The following ZNF385D variants were observed in gnomAD, a reference collection of about 807,000 sequenced individuals.
ZNF385D encodes zinc finger protein 659.
In ZNF385D, 15 loss-of-function variants were observed where a neutral mutation model predicts 35.8. The ratio of observed to expected loss-of-function variants is 0.42; its 90% CI spans 0.28 to 0.64. ZNF385D has a LOEUF of 0.64. ZNF385D is among the 30% of genes least tolerant of loss of function. The pLI is 0.23. For synonymous variants in ZNF385D, 212 were observed against 186.8 expected (o/e 1.13, Z -1.10); for missense variants, 474 against 494.6 (o/e 0.96, Z 0.39).
At chr3:22,193,789 C>A (rs1363261718) in intron 2 of ZNF385D, among the ~76,000 whole-genome samples, 1 of 151,908 alleles carries the variant, frequency 6.6e-6, no homozygotes, top group Non-Finnish European at 1.5e-5. Context: ...AGGGTAAATA[C>A]CCAAAGCCTC....
intron 3 of ZNF385D, among the ~76,000 whole-genome samples, chr3:22,047,651 T>G (rs965786153): frequency 3.3e-5 from 5 of 152,144 alleles, no homozygotes; most frequent in Non-Finnish European, 1.5e-5. Flanking sequence ...TCATCATTGG[T>G]GGATATGTAG....
At chr3:21,624,194 CTT>C (rs1220808602) in intron 2 of ZNF385D, among the ~76,000 whole-genome samples, 1 of 151,996 alleles carries the variant, frequency 6.6e-6, no homozygotes, top group African/African-American at 2.4e-5. Context: ...TAAAAGTGCT[CTT>C]GATTGCCATC....
At chr3:21,619,933 C>A (rs1002164340) in intron 2 of ZNF385D, among the ~76,000 whole-genome samples, 2 of 152,136 alleles carry the variant, frequency 1.3e-5, no homozygotes, top group Non-Finnish European at 1.5e-5. Flanking sequence ...CCACATTACA[C>A]CCTGAGTTCT....
chr3:21,490,653 C>A (rs1402886515), intron 4 of ZNF385D, among the ~76,000 whole-genome samples: 1 of 152,154 alleles, frequency 6.6e-6, no homozygotes, highest in African/African-American at 2.4e-5. Flanking sequence ...GGTACTCTGG[C>A]AGACAGCCCC....
At chr3:22,166,923 G>A (rs1239312372) in intron 3 of ZNF385D, among the ~76,000 whole-genome samples, 1 of 152,250 alleles carries the variant, frequency 6.6e-6, no homozygotes, top group African/African-American at 2.4e-5. Flanking sequence ...ATTGAATCGT[G>A]CTGTACTTGA....
At chr3:22,231,763 T>G (rs954772893) in intron 2 of ZNF385D, among the ~76,000 whole-genome samples, 2 of 152,148 alleles carry the variant, frequency 1.3e-5, no homozygotes, top group Non-Finnish European at 2.9e-5. Flanking sequence ...AGATCTCATG[T>G]TCAGTTGTAA....
intron 3 of ZNF385D, among the ~76,000 whole-genome samples, chr3:22,120,075 T>G (rs565891616): frequency 1.3e-5 from 2 of 151,720 alleles, no homozygotes; most frequent in African/African-American, 4.8e-5. Flanking sequence ...AAGCACTCAA[T>G]TCATTCAACC....
chr3:22,081,635 G>A (rs1276318533), intron 3 of ZNF385D, among the ~76,000 whole-genome samples: 2 of 152,084 alleles, frequency 1.3e-5, no homozygotes, highest in African/African-American at 4.8e-5. Flanking sequence ...AGTAAGCTGG[G>A]ACCAAAGCCT....
At chr3:21,952,974 ATTC>A (rs1405732657) in intron 3 of ZNF385D, among the ~76,000 whole-genome samples, 27 of 151,966 alleles carry the variant, frequency 1.8e-4, no homozygotes, top group Admixed American at 3.3e-4. Flanking sequence ...AATACTTTCT[ATTC>A]TTCTCCCTTA....
intron 2 of ZNF385D, among the ~76,000 whole-genome samples, chr3:21,654,741 A>T (rs2066022571): frequency 6.6e-6 from 1 of 152,100 alleles, no homozygotes; most frequent in Non-Finnish European, 1.5e-5. Context: ...GTTTTCAAAG[A>T]TGTGAAATTA....
chr3:22,031,544 G>C (rs536162220), intron 3 of ZNF385D, among the ~76,000 whole-genome samples: 1 of 152,210 alleles, frequency 6.6e-6, no homozygotes, highest in Non-Finnish European at 1.5e-5. Context: ...GAGCGGCTGA[G>C]ATGCAGGGCA....
intron 2 of ZNF385D, among the ~76,000 whole-genome samples, chr3:22,329,776 T>C (rs1316979895): frequency 6.6e-6 from 1 of 152,228 alleles, no homozygotes; most frequent in African/African-American, 2.4e-5. Context: ...ACAGGTGATA[T>C]TAATTTTAGT....
In ZNF385D at chr3:21,910,242, C is replaced by T. The variant is rs528544410; in HGVS notation, c.326-245214G>A. Among the ~76,000 whole-genome samples, 9 of 151,976 alleles carry T rather than the reference C, an allele frequency of 5.9e-5. No homozygotes were observed. In the South Asian group the frequency reaches 1.9e-3, roughly 31 times the overall value. ...TAGTACATTGTTGTTGGAAATGATACCATTTGCCAGGCATTATATCTGTTC... is the reference window on the plus strand; with the variant it reads ...TAGTACATTGTTGTTGGAAATGATATCATTTGCCAGGCATTATATCTGTTC... On this transcript the variant is annotated intron_variant, in intron 3 of 5. Coordinates refer to the ZNF385D transcript ENST00000494108.
At chr3:21,909,165 G>C (rs977910529) in intron 3 of ZNF385D, among the ~76,000 whole-genome samples, 10 of 152,040 alleles carry the variant, frequency 6.6e-5, no homozygotes, top group African/African-American at 2.4e-4. Flanking sequence ...GTTGTGTCCT[G>C]TGAGACATAA....
At chr3:22,005,083 A>AAAAAAAAAAAAAAAAAAAAAAAAAC (rs1553717904) in intron 3 of ZNF385D, among the ~76,000 whole-genome samples, 1 of 117,312 alleles carries the variant, frequency 8.5e-6, no homozygotes, top group Non-Finnish European at 1.7e-5. Context: ...AAAAAAAAAA[A>AAAAAAAAAAAAAAAAAAAAAAAAAC]AGGCAGAAAA....
At chr3:21,790,725 G>A (rs2071892478) in intron 3 of ZNF385D, among the ~76,000 whole-genome samples, 1 of 152,112 alleles carries the variant, frequency 6.6e-6, no homozygotes, top group Non-Finnish European at 1.5e-5. Context: ...TTTAAACCTT[G>A]GCAGACTAGG....
intron 2 of ZNF385D, among the ~76,000 whole-genome samples, chr3:22,186,737 C>G (rs1273262624): frequency 6.6e-6 from 1 of 151,956 alleles, no homozygotes; most frequent in East Asian, 1.9e-4. Context: ...AGGTTAGACC[C>G]CAGTATTCAT....
At chr3:21,825,939 C>T (rs184008334) in intron 3 of ZNF385D, among the ~76,000 whole-genome samples, 245 of 152,228 alleles carry the variant, frequency 1.6e-3, no homozygotes, top group African/African-American at 5.4e-3. Flanking sequence ...AGCGCAAAAC[C>T]CTGTTGTGAA....
chr3:22,134,155 TAAC>T (rs1443432663), intron 3 of ZNF385D, among the ~76,000 whole-genome samples: 1 of 152,034 alleles, frequency 6.6e-6, no homozygotes, highest in Non-Finnish European at 1.5e-5. Context: ...GACTAAAACC[TAAC>T]AACTATATAT....
Sources: allele counts gnomAD v4.1 joint callset (sites outside exome capture counted in the v4.1 genomes callset), GRCh38; gene constraint gnomAD v4.1.1; transcripts MANE v1.5; gene names NCBI Gene and HGNC (gene_info 2026-07-23, HGNC 2026-07-21).